PLEKHA7: variants seen among roughly 807,000 people sequenced by gnomAD.
PLEKHA7 encodes the protein pleckstrin homology domain-containing family A member 7.
PLEKHA7 carries 104 observed loss-of-function variants against 170.0 expected under a neutral mutation model. That is an observed-to-expected ratio of 0.61 (90% CI 0.52 to 0.72). The LOEUF is 0.72. Ranked by LOEUF, PLEKHA7 falls within the 30% of genes least tolerant of loss-of-function variation. The pLI is 0.00. For synonymous variants in PLEKHA7, 648 were observed against 660.8 expected (o/e 0.98, Z 0.30); for missense variants, 1,615 against 1,671.7 (o/e 0.97, Z 0.59).
rs1850431744 is a variant in PLEKHA7, at chr11:16,823,880, T to A, written c.1343+2240A>T. On this transcript the variant is annotated intron_variant, in intron 10 of 26. Coordinates refer to ENST00000531066, the MANE Select transcript of PLEKHA7 (RefSeq NM_001329630.2). The stretch of plus-strand genomic sequence containing the variant: ...AAGTGTCCATCAACAGATGAACGGA[T>A]AAACAAAATGTGGTATTTATACTCA... Among the ~76,000 whole-genome samples, 3 of 152,188 alleles carry A rather than the reference T, an allele frequency of 2.0e-5. No homozygotes were observed. In the South Asian group the frequency reaches 6.2e-4, roughly 31 times the overall value.
chr11:17,008,817 T>C (rs2137115227), intron 3 of PLEKHA7, among the ~76,000 whole-genome samples: 1 of 152,246 alleles, frequency 6.6e-6, no homozygotes, highest in East Asian at 1.9e-4. Flanking sequence ...ATTCACAAGG[T>C]TCCATGAAAC....
intron 3 of PLEKHA7, among the ~76,000 whole-genome samples, chr11:16,941,308 G>C (rs973843479): frequency 6.6e-6 from 1 of 152,164 alleles, no homozygotes; most frequent in Admixed American, 6.5e-5. Context: ...GTCCAGCTTG[G>C]ATGCCCCTAA....
intron 3 of PLEKHA7, among the ~76,000 whole-genome samples, chr11:16,990,943 A>G (rs1464288459): frequency 2.0e-5 from 3 of 152,240 alleles, no homozygotes; most frequent in East Asian, 1.9e-4. Flanking sequence ...AATATCCCCA[A>G]TGTTTAGCTG....
At chr11:16,926,825 G>A (rs1353715917) in intron 3 of PLEKHA7, among the ~76,000 whole-genome samples, 1 of 152,192 alleles carries the variant, frequency 6.6e-6, no homozygotes, top group Non-Finnish European at 1.5e-5. Context: ...AGAGAGCCTG[G>A]CTATCTGTCC....
chr11:16,883,344 G>A (rs1855850027), intron 3 of PLEKHA7, among the ~76,000 whole-genome samples: 1 of 152,204 alleles, frequency 6.6e-6, no homozygotes, highest in Non-Finnish European at 1.5e-5. Flanking sequence ...AGGAATTAGT[G>A]ACAGCTATCT....
At chr11:16,903,492 GCA>G (rs1857464348) in intron 3 of PLEKHA7, among the ~76,000 whole-genome samples, 1 of 152,136 alleles carries the variant, frequency 6.6e-6, no homozygotes, top group Non-Finnish European at 1.5e-5. Flanking sequence ...CATCACCATT[GCA>G]CAGACGCCTA....
At position 16,801,028 on chromosome 11, in the gene PLEKHA7, C is replaced by G; in HGVS notation, c.2355G>C (p.Val785=). The change falls in exon 17 of 27, where the codon GTG becomes GTC. Residue 785 remains valine, a synonymous_variant. Transcript: ENST00000531066. ...CCTGCAGGGTCTGCTTCAGCTGTTCCACATCATTCTCCAACTTCAGGTATT... is the reference window on the plus strand; with the variant it reads ...CCTGCAGGGTCTGCTTCAGCTGTTCGACATCATTCTCCAACTTCAGGTATT... ...WNEYLKLEND[V]EQLKQTLQEQ... is the part of the protein sequence containing the mutation. The G allele has an allele frequency of 1.2e-6, 2 of 1,614,244 alleles. No individual in the cohort carries two copies. Among genetic ancestry groups the G allele is most frequent in the Non-Finnish European group, 1.7e-6 (2 of 1,180,040 alleles).
intron 3 of PLEKHA7, among the ~76,000 whole-genome samples, chr11:17,005,075 C>A (rs1298623571): frequency 6.6e-6 from 1 of 151,970 alleles, no homozygotes; most frequent in Non-Finnish European, 1.5e-5. Context: ...GGCTGAAAAG[C>A]CAACAAGCAG....
chr11:16,785,566 C>T (rs183043652), intron 24 of PLEKHA7, among the ~76,000 whole-genome samples: 5 of 152,334 alleles, frequency 3.3e-5, no homozygotes, highest in East Asian at 1.9e-4. Flanking sequence ...AGACAATCTA[C>T]GTCTTGAAGA....
chr11:16,810,846 G>A (rs1486808552), intron 13 of PLEKHA7, among the ~76,000 whole-genome samples: 2 of 152,194 alleles, frequency 1.3e-5, no homozygotes, highest in African/African-American at 4.8e-5. Context: ...TAGGGTGAGA[G>A]CCGCACCCAA....
At chr11:17,012,071 A>G (rs1204790139) in intron 3 of PLEKHA7, among the ~76,000 whole-genome samples, 1 of 152,142 alleles carries the variant, frequency 6.6e-6, no homozygotes, top group Non-Finnish European at 1.5e-5. Context: ...AGCCACTTCT[A>G]ACTCCTGCCT....
chr11:16,956,991 TCC>T (rs934985126), intron 3 of PLEKHA7, among the ~76,000 whole-genome samples: 1 of 152,078 alleles, frequency 6.6e-6, no homozygotes, highest in African/African-American at 2.4e-5. Context: ...CATTATCACC[TCC>T]CCCCGTGGCT....
chr11:16,801,050 T>C lies in PLEKHA7; in HGVS notation c.2333A>G (p.Tyr778Cys). The change falls in exon 17 of 27, where the codon TAC (tyrosine) becomes TGC (cysteine). Residue 778 changes from tyrosine (Y) to cysteine (C), a missense_variant. Physicochemically the swap from Tyr to Cys is radical, Grantham distance 194 (BLOSUM62 -2). Transcript: ENST00000531066. ...TTCCACATCATTCTCCAACTTCAGG[T>C]ATTCGTTCCAAGCATTTTCCATCTC... ...STEMENAWNE[Y>C]LKLENDVEQL... 2 of 1,614,216 alleles carry C rather than the reference T, an allele frequency of 1.2e-6. No homozygotes were observed. Among genetic ancestry groups the C allele is most frequent in the Non-Finnish European group, 8.5e-7 (1 of 1,180,038 alleles).
Position 16,900,419 on chromosome 11 carries a change from T to G in PLEKHA7, c.222-29237A>C, listed in dbSNP as rs368924005. On this transcript the variant is annotated intron_variant, in intron 3 of 26. Transcript: ENST00000531066. Reference sequence around the variant, plus strand: ...TTAATGCCTTGTAACTTTCATGAGGTGTTTTACTAGGTTACAAGTAGACTA... The same window carrying G: ...TTAATGCCTTGTAACTTTCATGAGGGGTTTTACTAGGTTACAAGTAGACTA... 2.0e-4 allele frequency among the ~76,000 whole-genome samples: 31 copies of G among 152,342 alleles called. No homozygotes were observed. In the East Asian group the frequency reaches 5.2e-3, roughly 26 times the overall value.
chr11:16,925,132 C>G (rs1859415263), intron 3 of PLEKHA7, among the ~76,000 whole-genome samples: 1 of 152,238 alleles, frequency 6.6e-6, no homozygotes, highest in South Asian at 2.1e-4. Flanking sequence ...CTCTCCACTG[C>G]TGGCCAGTTG....
intron 26 of PLEKHA7, 114 bp downstream of exon 26, chr11:16,782,640 C>T (rs557160380): frequency 4.4e-6 from 6 of 1,359,434 alleles, no homozygotes; most frequent in African/African-American, 2.9e-5. Context: ...TGACCCTCAA[C>T]TACCATCCTT....
At chr11:16,796,063 T>G (rs1373805812) in intron 17 of PLEKHA7, among the ~76,000 whole-genome samples, 1 of 151,922 alleles carries the variant, frequency 6.6e-6, no homozygotes, top group Non-Finnish European at 1.5e-5. Flanking sequence ...TTCACCACAT[T>G]GGCCAGGCTG....
At chr11:16,926,662 T>C (rs1210807953) in intron 3 of PLEKHA7, among the ~76,000 whole-genome samples, 2 of 152,164 alleles carry the variant, frequency 1.3e-5, no homozygotes, top group Non-Finnish European at 2.9e-5. Context: ...CGTTACCCAG[T>C]GAGTGGGAAA....
In PLEKHA7 at chr11:16,835,038, G is replaced by A. The variant is rs575447699; in HGVS notation, c.872+6509C>T. ...TAATCCTAACAATTTGGGAGGCTGAGGTAGGTGGATCACTTGAACCCAGGA... is the reference window on the plus strand; with the variant it reads ...TAATCCTAACAATTTGGGAGGCTGAAGTAGGTGGATCACTTGAACCCAGGA... On this transcript the variant is annotated intron_variant, in intron 9 of 26. Transcript: ENST00000531066. Among the ~76,000 whole-genome samples, 262 of 152,320 alleles carry A rather than the reference G, an allele frequency of 1.7e-3. 1 individual carries two copies. The highest frequency in any genetic ancestry group is 3.4e-3 in the Non-Finnish European group (234 of 68,030).
Sources: gnomAD v4.1 joint callset for allele counts (sites outside exome capture counted in the v4.1 genomes callset) on GRCh38, gnomAD v4.1.1 for gene constraint, MANE v1.5 for transcripts, NCBI Gene and HGNC (gene_info 2026-07-23, HGNC 2026-07-21) for gene names.